The following PITPNC1 variants were observed in gnomAD, a reference collection of about 807,000 sequenced individuals.
PITPNC1 encodes cytoplasmic phosphatidylinositol transfer protein 1.
Under a neutral mutation model 44.7 loss-of-function variants are expected in PITPNC1, and 18 were observed. The observed-to-expected ratio is 0.40, with a 90% CI of 0.28 to 0.60. The LOEUF is 0.60. Ranked by LOEUF, PITPNC1 falls within the 20% of genes least tolerant of loss-of-function variation. The probability of loss-of-function intolerance (pLI) is 0.39; values close to 1 mark genes in which losing one functional copy is unlikely to be tolerated. For missense variants in PITPNC1, 290 were observed against 418.4 expected (o/e 0.69, Z 2.68); for synonymous variants, 141 against 149.6 (o/e 0.94, Z 0.42).
intron 5 of PITPNC1, among the ~76,000 whole-genome samples, chr17:67,606,147 G>T (rs1437695180): frequency 6.6e-6 from 1 of 152,126 alleles, no homozygotes; most frequent in South Asian, 2.1e-4. Flanking sequence ...TGGAACAGTG[G>T]GTGATAAGCG....
intron 5 of PITPNC1, among the ~76,000 whole-genome samples, chr17:67,589,123 G>A (rs1277731404): frequency 1.3e-5 from 2 of 152,204 alleles, no homozygotes; most frequent in African/African-American, 4.8e-5. Flanking sequence ...GTCTAATGGT[G>A]TCATTTTGAG....
chr17:67,498,423 A>G (rs2039984426), intron 1 of PITPNC1, among the ~76,000 whole-genome samples: 1 of 152,100 alleles, frequency 6.6e-6, no homozygotes, highest in South Asian at 2.1e-4. Flanking sequence ...TATATACCAT[A>G]TTTTCTGTAT....
intron 1 of PITPNC1, among the ~76,000 whole-genome samples, chr17:67,474,176 G>A (rs913547328): frequency 2.0e-5 from 3 of 152,102 alleles, no homozygotes; most frequent in Non-Finnish European, 4.4e-5. Flanking sequence ...AAGGAGATCC[G>A]GAGGTGGGGG....
chr17:67,449,565 A>C (rs1379207434), intron 1 of PITPNC1, among the ~76,000 whole-genome samples: 1 of 152,222 alleles, frequency 6.6e-6, no homozygotes, highest in Non-Finnish European at 1.5e-5. Flanking sequence ...CAAAGAAAAA[A>C]ATCTTCTGTC....
At chr17:67,623,544 C>T (rs2041859746) in intron 5 of PITPNC1, among the ~76,000 whole-genome samples, 1 of 152,130 alleles carries the variant, frequency 6.6e-6, no homozygotes, top group Admixed American at 6.5e-5. Flanking sequence ...GCCACCATGC[C>T]CAGCTAATTT....
At chr17:67,577,448 C>T (rs2041164935) in intron 4 of PITPNC1, among the ~76,000 whole-genome samples, 1 of 151,604 alleles carries the variant, frequency 6.6e-6, no homozygotes, top group South Asian at 2.1e-4. Context: ...ATTAGCCGGG[C>T]TACACGGAAG....
chr17:67,614,683 A>AT (rs2041734979), intron 5 of PITPNC1, among the ~76,000 whole-genome samples: 1 of 150,450 alleles, frequency 6.6e-6, no homozygotes, highest in African/African-American at 2.4e-5. Context: ...AAAAAAAAAA[A>AT]AATAAATATA....
At chr17:67,666,031 C>T (rs978352850) in intron 6 of PITPNC1, among the ~76,000 whole-genome samples, 9 of 151,844 alleles carry the variant, frequency 5.9e-5, no homozygotes, top group Admixed American at 3.3e-4. Flanking sequence ...TTAGTAGAGA[C>T]GGGCTTTTAC....
chr17:67,679,959 G>A (rs947598452), intron 8 of PITPNC1, among the ~76,000 whole-genome samples: 2 of 152,186 alleles, frequency 1.3e-5, no homozygotes, highest in African/African-American at 4.8e-5. Flanking sequence ...TGAACCTCAC[G>A]AATGTCTTTG....
chr17:67,523,272 G>A (rs1333722215), intron 1 of PITPNC1, among the ~76,000 whole-genome samples: 1 of 152,184 alleles, frequency 6.6e-6, no homozygotes, highest in African/African-American at 2.4e-5. Flanking sequence ...GGAAAAGATA[G>A]TTTTGAGCAG....
intron 7 of PITPNC1, among the ~76,000 whole-genome samples, chr17:67,673,451 T>C (rs1293313484): frequency 6.6e-6 from 1 of 152,188 alleles, no homozygotes; most frequent in Non-Finnish European, 1.5e-5. Flanking sequence ...TAGCCTTCTA[T>C]TGCCATTATG....
intron 1 of PITPNC1, among the ~76,000 whole-genome samples, chr17:67,489,838 G>A (rs969138382): frequency 2.6e-5 from 4 of 152,078 alleles, no homozygotes; most frequent in Non-Finnish European, 5.9e-5. Context: ...CTTCCTGCCA[G>A]GTTCTAGCAA....
intron 1 of PITPNC1, among the ~76,000 whole-genome samples, chr17:67,517,072 T>G (rs1419770217): frequency 6.6e-6 from 1 of 152,206 alleles, no homozygotes; most frequent in African/African-American, 2.4e-5. Flanking sequence ...TCACTCTGAT[T>G]GTAATGTGAA....
intron 6 of PITPNC1, among the ~76,000 whole-genome samples, chr17:67,645,863 G>A (rs905869169): frequency 6.6e-6 from 1 of 152,146 alleles, no homozygotes; most frequent in African/African-American, 2.4e-5. Context: ...GATTGTTCAC[G>A]CCTGTAATCC....
chr17:67,494,215 T>TTCTTTC lies in PITPNC1; in HGVS notation c.49-38586_49-38585insCTTTCT, dbSNP rs1568012981. 1.9e-3 allele frequency among the ~76,000 whole-genome samples: 290 copies of TTCTTTC among 148,876 alleles called. 9 individuals carry two copies. The highest frequency in any genetic ancestry group is 7.0e-3 in the African/African-American group (276 of 39,368). ...TTTCTTTCTTTCTTTCTTTCTTTCT[T>TTCTTTC]TTTGAGACGTAGTCTTGCTCTGTTA... On this transcript the variant is annotated intron_variant, in intron 1 of 8. Coordinates refer to ENST00000581322, the MANE Select transcript of PITPNC1 (RefSeq NM_012417.4).
intron 1 of PITPNC1, among the ~76,000 whole-genome samples, chr17:67,462,506 A>G (rs1471163289): frequency 6.9e-6 from 1 of 144,762 alleles, no homozygotes; most frequent in Non-Finnish European, 1.5e-5. Context: ...TGCTAGGAAT[A>G]CAGGCGTGAG....
intron 5 of PITPNC1, among the ~76,000 whole-genome samples, chr17:67,585,476 G>C (rs2041301702): frequency 6.6e-6 from 1 of 152,138 alleles, no homozygotes; most frequent in African/African-American, 2.4e-5. Flanking sequence ...AGTCTGACTG[G>C]TGTTCAGATA....
chr17:67,543,357 TG>T (rs2040634312), intron 2 of PITPNC1, among the ~76,000 whole-genome samples: 3 of 152,202 alleles, frequency 2.0e-5, no homozygotes, highest in Admixed American at 2.0e-4. Flanking sequence ...GACCAAGCCC[TG>T]GGCTACCAGT....
chr17:67,673,628 C>T (rs1043371986), intron 7 of PITPNC1, among the ~76,000 whole-genome samples: 9 of 152,034 alleles, frequency 5.9e-5, no homozygotes, highest in Non-Finnish European at 2.9e-5. Context: ...ATTTACTTAT[C>T]TTGTATCTCA....
Sources: allele counts gnomAD v4.1 joint callset (sites outside exome capture counted in the v4.1 genomes callset), GRCh38; gene constraint gnomAD v4.1.1; transcripts MANE v1.5; gene names NCBI Gene and HGNC (gene_info 2026-07-23, HGNC 2026-07-21).